The following KCNJ6 variants were observed in gnomAD, a reference collection of about 807,000 sequenced individuals.
KCNJ6 encodes G protein-activated inward rectifier potassium channel 2.
Under a neutral mutation model 34.2 loss-of-function variants are expected in KCNJ6, and 9 were observed. That is an observed-to-expected ratio of 0.26 (90% CI 0.16 to 0.46). The LOEUF (loss-of-function observed/expected upper bound fraction) is 0.46, where lower values mean the gene tolerates loss of function less well. Among genes scored for constraint, KCNJ6 ranks in the 20% least tolerant of loss-of-function variants. The pLI is 1.00. For synonymous variants in KCNJ6, 196 were observed against 207.1 expected, an observed-to-expected ratio of 0.95 and a Z score of 0.46; for missense variants, 236 against 531.3, an observed-to-expected ratio of 0.44 and a Z score of 5.46.
chr21:37,723,365 G>T (rs2054836695), intron 2 of KCNJ6, among the ~76,000 whole-genome samples: 1 of 152,142 alleles, frequency 6.6e-6, no homozygotes, highest in African/African-American at 2.4e-5. Flanking sequence ...AAGCAATTTG[G>T]AGATTTCTCA....
At chr21:37,690,285 G>A (rs1217109417) in intron 3 of KCNJ6, among the ~76,000 whole-genome samples, 1 of 152,088 alleles carries the variant, frequency 6.6e-6, no homozygotes, top group African/African-American at 2.4e-5. Context: ...TGACAATAAC[G>A]ATTCCTCCTT....
At chr21:37,743,471 G>A (rs897603388) in intron 2 of KCNJ6, among the ~76,000 whole-genome samples, 1 of 152,160 alleles carries the variant, frequency 6.6e-6, no homozygotes, top group Non-Finnish European at 1.5e-5. Context: ...ATGGTACTAA[G>A]AGGTGGAACA....
At chr21:37,799,783 T>C (rs778684886) in intron 2 of KCNJ6, among the ~76,000 whole-genome samples, 4 of 152,204 alleles carry the variant, frequency 2.6e-5, no homozygotes, top group Non-Finnish European at 4.4e-5. Context: ...ATATTTAAAA[T>C]GTGGTTTAGT....
intron 2 of KCNJ6, among the ~76,000 whole-genome samples, chr21:37,778,689 C>CTGTGTGTGTG (rs1488097849): frequency 3.1e-5 from 4 of 130,738 alleles, no homozygotes; most frequent in African/African-American, 1.2e-4. Flanking sequence ...TATCCGTGTG[C>CTGTGTGTGTG]TGTGTGCGTG....
At position 37,608,822 on chromosome 21, in the gene KCNJ6, A is replaced by G. The variant is rs2054233083; in HGVS notation, c.*16337T>C. 1 of 152,162 alleles carries G rather than the reference A, an allele frequency of 6.6e-6. No individual in the cohort carries two copies. The highest frequency in any genetic ancestry group is 2.4e-5 in the African/African-American group (1 of 41,424). The allele number at this position is 152,162 out of a possible 1,614,324, so 9.4% of individuals were successfully genotyped here. A position where few individuals can be genotyped will look rare whatever the true frequency, so the allele number is the denominator to read the frequency against. On this transcript the variant is annotated 3_prime_UTR_variant, in exon 4 of 4. Transcript: ENST00000609713. Reference sequence around the variant, plus strand: ...TAGTAACTTGTCAAGGACATCACTCACTGTACTGCAAGTGTTCACTGAGTG... The same window carrying G: ...TAGTAACTTGTCAAGGACATCACTCGCTGTACTGCAAGTGTTCACTGAGTG...
At position 37,625,326 on chromosome 21, in the gene KCNJ6, C is replaced by T. The variant is rs1316720080; in HGVS notation, c.1105G>A (p.Glu369Lys). 6.2e-7 allele frequency: 1 copy of T among 1,614,218 alleles called. No individual in the cohort carries two copies. Among genetic ancestry groups the T allele is most frequent in the Admixed American group, 1.7e-5 (1 of 60,034 alleles). Reference protein sequence around the residue: ...ETSTPSLSAKELAELASRAEL... With the variant: ...ETSTPSLSAKKLAELASRAEL... ...GCCCTGCTGGCTAACTCGGCCAGCT[C>T]TTTGGCACTAAGGGATGGGGTGCTG... Residue 369 changes from glutamate (E) to lysine (K), a missense_variant, in exon 4 of 4, where the codon GAG becomes AAG. Physicochemically the swap from Glu to Lys is moderately conservative, Grantham distance 56 (BLOSUM62 1). Coordinates refer to ENST00000609713, the MANE Select transcript of KCNJ6 (RefSeq NM_002240.5).
intron 1 of KCNJ6, among the ~76,000 whole-genome samples, chr21:37,908,687 T>C (rs972665876): frequency 3.9e-5 from 6 of 152,224 alleles, no homozygotes; most frequent in Admixed American, 3.9e-4. Context: ...AAGAATCATC[T>C]ACACCTACTC....
chr21:37,686,484 TGGA>T (rs2054616033), intron 3 of KCNJ6, among the ~76,000 whole-genome samples: 8 of 96,244 alleles, frequency 8.3e-5, no homozygotes, highest in Admixed American at 1.5e-4. Flanking sequence ...TTTTTTTTTT[TGGA>T]GATGGAGTCT....
chr21:37,718,438 G>C (rs1256660843), intron 2 of KCNJ6, among the ~76,000 whole-genome samples: 6 of 151,942 alleles, frequency 3.9e-5, no homozygotes, highest in Non-Finnish European at 5.9e-5. Flanking sequence ...AGCAAAGACA[G>C]AGAAAAGAAA....
chr21:37,712,307 C>CA (rs2054757077), intron 3 of KCNJ6, among the ~76,000 whole-genome samples: 1 of 152,126 alleles, frequency 6.6e-6, no homozygotes, highest in Non-Finnish European at 1.5e-5. Context: ...CCTGAGTGGT[C>CA]AGTTCATAGT....
intron 2 of KCNJ6, among the ~76,000 whole-genome samples, chr21:37,797,352 T>C (rs11700681): frequency 0.44 from 67,335 of 152,126 alleles, 16,381 homozygotes; most frequent in Non-Finnish European, 0.53. Flanking sequence ...GTGCCTGGCC[T>C]TTTGTGTCTT....
intron 2 of KCNJ6, among the ~76,000 whole-genome samples, chr21:37,795,758 C>A (rs12481778): frequency 0.48 from 70,197 of 145,236 alleles, 17,223 homozygotes; most frequent in Middle Eastern, 0.55. Context: ...CAAAAAAAAA[C>A]CCTGCCACAT....
rs2054285665 is a variant in KCNJ6, at chr21:37,620,123, ACT to A, written c.*5034_*5035del. 1 of 152,014 alleles carries A rather than the reference ACT, an allele frequency of 6.6e-6. No homozygotes were observed. Among genetic ancestry groups the A allele is most frequent in the Admixed American group, 6.6e-5 (1 of 15,258 alleles). The allele number at this position is 152,014 out of a possible 1,614,324, so 9.4% of individuals were successfully genotyped here. ...AAGTCATTCTTCTATATTGCCTAGG[ACT>A]CTCTTAAGAGTACAGTACAATATTT... On this transcript the variant is annotated 3_prime_UTR_variant, in exon 4 of 4. Coordinates refer to ENST00000609713, the MANE Select transcript of KCNJ6 (RefSeq NM_002240.5).
At chr21:37,851,289 C>A (rs1480794064) in intron 1 of KCNJ6, among the ~76,000 whole-genome samples, 3 of 152,126 alleles carry the variant, frequency 2.0e-5, no homozygotes, top group African/African-American at 7.2e-5. Context: ...TTGGAATAAC[C>A]CCTGGAAGCC....
chr21:37,824,975 G>C (rs984230031), intron 2 of KCNJ6, among the ~76,000 whole-genome samples: 3 of 152,046 alleles, frequency 2.0e-5, no homozygotes, highest in Admixed American at 1.3e-4. Flanking sequence ...TTACTCCCCA[G>C]TTTTCAAGGC....
chr21:37,893,916 A>G (rs2055775139), intron 1 of KCNJ6, among the ~76,000 whole-genome samples: 1 of 152,206 alleles, frequency 6.6e-6, no homozygotes, highest in Non-Finnish European at 1.5e-5. Context: ...GACACAAACG[A>G]ACCCTGCTCA....
chr21:37,644,569 C>T (rs530470104), intron 3 of KCNJ6, among the ~76,000 whole-genome samples: 2 of 152,204 alleles, frequency 1.3e-5, no homozygotes, highest in East Asian at 1.9e-4. Flanking sequence ...CCTCTCCCCC[C>T]GACATATTTT....
intron 1 of KCNJ6, among the ~76,000 whole-genome samples, chr21:37,896,113 C>T (rs777409631): frequency 6.6e-6 from 1 of 152,080 alleles, no homozygotes; most frequent in Non-Finnish European, 1.5e-5. Context: ...GAAGCAGGCA[C>T]GTCACATGAC....
chr21:37,886,094 G>A (rs937881337), intron 1 of KCNJ6, among the ~76,000 whole-genome samples: 4 of 152,148 alleles, frequency 2.6e-5, no homozygotes, highest in African/African-American at 9.7e-5. Flanking sequence ...TGGAAAGAAT[G>A]AGGATCCTCC....
Sources: allele counts gnomAD v4.1 joint callset (sites outside exome capture counted in the v4.1 genomes callset), GRCh38; gene constraint gnomAD v4.1.1; transcripts MANE v1.5; gene names NCBI Gene and HGNC (gene_info 2026-07-23, HGNC 2026-07-21).